Variants in NDST4 observed in about 807,000 individuals in gnomAD.
NDST4 encodes N-heparan sulfate sulfotransferase 4.
Under a neutral mutation model 100.8 loss-of-function variants are expected in NDST4, and 63 were observed. The observed-to-expected ratio is 0.62, with a 90% confidence interval of 0.51 to 0.77. NDST4 has a LOEUF of 0.77. Ranked by LOEUF, NDST4 falls within the 30% of genes least tolerant of loss-of-function variation. The probability of loss-of-function intolerance (pLI) is 0.00; values close to 1 mark genes in which losing one functional copy is unlikely to be tolerated. For synonymous variants in NDST4, 377 were observed against 361.8 expected, an observed-to-expected ratio of 1.04 and a Z score of -0.48; for missense variants, 943 against 1,018.4, an observed-to-expected ratio of 0.93 and a Z score of 1.01.
chr4:114,834,948 T>C (rs1244317781), intron 11 of NDST4, among the ~76,000 whole-genome samples: 3 of 152,216 alleles, frequency 2.0e-5, no homozygotes, highest in Admixed American at 2.0e-4. Flanking sequence ...GTGGGATCAA[T>C]GGTAATATCT....
intron 11 of NDST4, among the ~76,000 whole-genome samples, chr4:114,837,707 C>A (rs896543393): frequency 2.0e-5 from 3 of 152,128 alleles, no homozygotes; most frequent in Non-Finnish European, 2.9e-5. Flanking sequence ...AGTCTAAGAC[C>A]TAAAACCATG....
At chr4:114,895,694 C>T (rs1442123662) in intron 6 of NDST4, among the ~76,000 whole-genome samples, 2 of 152,110 alleles carry the variant, frequency 1.3e-5, no homozygotes, top group East Asian at 3.9e-4. Flanking sequence ...AGGAAAACTT[C>T]AGGCCAATAT....
Position 114,988,352 on chromosome 4 carries a change from C to CTTTTTTTTTTTTTTT in NDST4, c.979-11093_979-11079dup, listed in dbSNP as rs991019823. Among the ~76,000 whole-genome samples the CTTTTTTTTTTTTTTT allele has an allele frequency of 1.4e-4, 9 of 64,204 alleles. 3 individuals are homozygous for CTTTTTTTTTTTTTTT. Among genetic ancestry groups the CTTTTTTTTTTTTTTT allele is most frequent in the Non-Finnish European group, 2.0e-4 (7 of 35,086 alleles). 42.1% of individuals were successfully genotyped at this position (64,204 alleles called of 152,430 possible). ...TTTGTAAGCACACAGATACACATAT[C>CTTTTTTTTTTTTTTT]TTTTTTTTTTTTTTTTTTTTTTTTT... On this transcript the variant is annotated intron_variant, in intron 2 of 13. Coordinates refer to ENST00000264363, the MANE Select transcript of NDST4 (RefSeq NM_022569.3).
intron 4 of NDST4, among the ~76,000 whole-genome samples, chr4:114,968,539 T>G (rs1726434728): frequency 6.6e-6 from 1 of 152,204 alleles, no homozygotes; most frequent in Non-Finnish European, 1.5e-5. Context: ...TTAGGCTTTG[T>G]GGACCATAGG....
At chr4:114,893,988 A>C (rs566592541) in intron 6 of NDST4, among the ~76,000 whole-genome samples, 108 of 152,302 alleles carry the variant, frequency 7.1e-4, no homozygotes, top group African/African-American at 2.5e-3. Context: ...CCATTTACTG[A>C]ATAAGAGATC....
chr4:114,945,414 T>C (rs1290780053), intron 4 of NDST4, among the ~76,000 whole-genome samples: 3 of 152,122 alleles, frequency 2.0e-5, no homozygotes, highest in Non-Finnish European at 2.9e-5. Context: ...CCAGGAACTA[T>C]GGCTTGTAAA....
At chr4:115,018,730 T>A (rs1031581826) in intron 2 of NDST4, among the ~76,000 whole-genome samples, 4 of 151,940 alleles carry the variant, frequency 2.6e-5, no homozygotes, top group Non-Finnish European at 4.4e-5. Context: ...AAATTTAGAA[T>A]ATTGATAATA....
chr4:114,946,390 G>T (rs7440344), intron 4 of NDST4, among the ~76,000 whole-genome samples: 1,635 of 152,226 alleles, frequency 0.011, 34 homozygotes, highest in African/African-American at 0.037. Flanking sequence ...ATTAGAAGGT[G>T]ATTAGAAATA....
At chr4:114,948,022 C>G (rs1725906987) in intron 4 of NDST4, among the ~76,000 whole-genome samples, 1 of 151,970 alleles carries the variant, frequency 6.6e-6, no homozygotes, top group Admixed American at 6.6e-5. Flanking sequence ...CTTTTTGGAT[C>G]CTTCTACAAT....
chr4:114,959,382 T>C (rs1726210661), intron 4 of NDST4, among the ~76,000 whole-genome samples: 1 of 151,264 alleles, frequency 6.6e-6, no homozygotes, highest in Admixed American at 6.6e-5. Context: ...CAAGATGGGG[T>C]AATTTGTAAA....
intron 2 of NDST4, among the ~76,000 whole-genome samples, chr4:115,005,813 A>C (rs1309538081): frequency 6.6e-6 from 1 of 152,002 alleles, no homozygotes; most frequent in Non-Finnish European, 1.5e-5. Context: ...TGGGTGGAAG[A>C]CTTGAGGTCA....
At chr4:114,895,305 C>A (rs1724690922) in intron 6 of NDST4, among the ~76,000 whole-genome samples, 1 of 152,098 alleles carries the variant, frequency 6.6e-6, no homozygotes, top group Admixed American at 6.6e-5. Flanking sequence ...AAGGGGATAT[C>A]ACCACTGACC....
intron 4 of NDST4, among the ~76,000 whole-genome samples, chr4:114,940,329 TCAC>T (rs1462076442): frequency 6.6e-6 from 1 of 152,270 alleles, no homozygotes; most frequent in East Asian, 1.9e-4. Context: ...ATGAAAAAGA[TCAC>T]CATTTTTCAA....
chr4:114,930,835 C>T (rs1344999021), intron 6 of NDST4, among the ~76,000 whole-genome samples: 2 of 151,976 alleles, frequency 1.3e-5, no homozygotes, highest in Non-Finnish European at 2.9e-5. Flanking sequence ...CACTGCTATA[C>T]CATTGTACAT....
chr4:114,889,329 G>A (rs991468389), intron 6 of NDST4, among the ~76,000 whole-genome samples: 1 of 152,128 alleles, frequency 6.6e-6, no homozygotes, highest in Non-Finnish European at 1.5e-5. Flanking sequence ...CTAGACAGGT[G>A]ATGAATATAC....
At position 114,951,618 on chromosome 4, in the gene NDST4, T is replaced by G. The variant is rs1415379186; in HGVS notation, c.1222-14115A>C. Among the ~76,000 whole-genome samples the G allele has an allele frequency of 2.6e-5, 4 of 152,108 alleles. No homozygotes were observed. In the East Asian group the frequency reaches 5.8e-4, roughly 22 times the overall value. On this transcript the variant is annotated intron_variant, in intron 4 of 13. Coordinates refer to ENST00000264363, the MANE Select transcript of NDST4 (RefSeq NM_022569.3). ...CAATATCCAATCCTCATAAAAACCT[T>G]TGGGGTAGGAACTACTGGCATATTT...
intron 2 of NDST4, among the ~76,000 whole-genome samples, chr4:114,986,403 C>T (rs900046254): frequency 6.6e-6 from 1 of 152,090 alleles, no homozygotes; most frequent in Non-Finnish European, 1.5e-5. Flanking sequence ...CTCCTTTCCA[C>T]AGAACTATAA....
intron 2 of NDST4, among the ~76,000 whole-genome samples, chr4:115,046,619 A>ATG (rs36211109): frequency 7.3e-4 from 110 of 150,690 alleles, no homozygotes; most frequent in South Asian, 5.1e-3. Context: ...TCCCTGTGTG[A>ATG]TGTGTGTGTG....
chr4:114,829,556 G>T (rs376253344), intron 13 of NDST4, among the ~76,000 whole-genome samples: 1 of 151,966 alleles, frequency 6.6e-6, no homozygotes, highest in African/African-American at 2.4e-5. Flanking sequence ...TTTTTGAATT[G>T]CATTCAAACA....
Sources: gnomAD v4.1 joint callset for allele counts (sites outside exome capture counted in the v4.1 genomes callset) on GRCh38, gnomAD v4.1.1 for gene constraint, MANE v1.5 for transcripts, NCBI Gene and HGNC (gene_info 2026-07-23, HGNC 2026-07-21) for gene names.